ADGRL2: variants seen among roughly 807,000 people sequenced by gnomAD.
ADGRL2 encodes adhesion G protein-coupled receptor L2, also known as calcium-independent alpha-latrotoxin receptor 2.
In ADGRL2, 44 loss-of-function variants were observed where a neutral mutation model predicts 157.4. The observed-to-expected ratio is 0.28, with a 90% CI of 0.22 to 0.36. ADGRL2 has a LOEUF of 0.36. ADGRL2 is among the 10% of genes least tolerant of loss of function. The pLI, the probability that ADGRL2 is intolerant of heterozygous loss-of-function variation, is 1.00. For synonymous variants in ADGRL2, 585 were observed against 624.7 expected, an observed-to-expected ratio of 0.94 and a Z score of 0.95; for missense variants, 1,510 against 1,768.9, an observed-to-expected ratio of 0.85 and a Z score of 2.63.
In ADGRL2 at chr1:81,980,371, T is replaced by C. The variant is rs192782996; in HGVS notation, c.3113+411T>C. Among the ~76,000 whole-genome samples, 35 of 151,924 alleles carry C rather than the reference T, an allele frequency of 2.3e-4. No homozygotes were observed. In the East Asian group the frequency reaches 6.4e-3, roughly 28 times the overall value. ...CCTAAGAGAATTTACTCTATTACTA[T>C]TGTTAACTTGAAGATTATCTGTTGT... On this transcript the variant is annotated intron_variant, in intron 18 of 23. Coordinates refer to ENST00000686636, the MANE Select transcript of ADGRL2 (RefSeq NM_001366006.2).
chr1:81,399,850 T>C (rs1206376901), intron 1 of ADGRL2, among the ~76,000 whole-genome samples: 32 of 152,172 alleles, frequency 2.1e-4, no homozygotes, highest in Admixed American at 2.0e-3. Flanking sequence ...ATTTCCTTGC[T>C]TTTTCATGTT....
chr1:81,530,091 T>A (rs2079562529), intron 2 of ADGRL2, among the ~76,000 whole-genome samples: 1 of 152,124 alleles, frequency 6.6e-6, no homozygotes, highest in African/African-American at 2.4e-5. Context: ...TGCACTGGGA[T>A]CAATCAATTA....
chr1:81,926,732 C>T (rs2095116196), intron 3 of ADGRL2, among the ~76,000 whole-genome samples: 1 of 151,838 alleles, frequency 6.6e-6, no homozygotes, highest in Admixed American at 6.6e-5. Context: ...GACCTGATGA[C>T]CCTGTGAATG....
intron 2 of ADGRL2, among the ~76,000 whole-genome samples, chr1:81,483,992 G>A (rs10874251): frequency 0.84 from 127,614 of 152,016 alleles, 55,444 homozygotes; most frequent in East Asian, 1. Flanking sequence ...TAAAGGGTGT[G>A]CATTTCTAAA....
chr1:81,929,594 A>C (rs2148738391), intron 3 of ADGRL2, among the ~76,000 whole-genome samples: 1 of 152,330 alleles, frequency 6.6e-6, no homozygotes, highest in East Asian at 1.9e-4. Context: ...AATGAGCATA[A>C]GATAATCAAA....
chr1:81,831,800 T>C (rs2091962508), intron 1 of ADGRL2, among the ~76,000 whole-genome samples: 1 of 152,100 alleles, frequency 6.6e-6, no homozygotes, highest in South Asian at 2.1e-4. Flanking sequence ...TTGTTTCTTT[T>C]TTTCCTCAGT....
intron 1 of ADGRL2, among the ~76,000 whole-genome samples, chr1:81,804,720 G>T (rs1440707948): frequency 6.6e-6 from 1 of 152,178 alleles, no homozygotes; most frequent in African/African-American, 2.4e-5. Context: ...GTCTTTTGGG[G>T]TCCCTTCAGT....
At chr1:81,737,449 C>G (rs2084940121) in intron 1 of ADGRL2, among the ~76,000 whole-genome samples, 1 of 152,078 alleles carries the variant, frequency 6.6e-6, no homozygotes, top group African/African-American at 2.4e-5. Context: ...ATAAGAATAA[C>G]AAGGGGAAAT....
At chr1:81,392,008 A>T (rs142223772) in intron 1 of ADGRL2, among the ~76,000 whole-genome samples, 7 of 152,198 alleles carry the variant, frequency 4.6e-5, no homozygotes, top group African/African-American at 1.7e-4. Context: ...AGCATGAAGC[A>T]TGGGAGAACG....
Position 81,567,731 on chromosome 1 carries a change from A to G in ADGRL2, c.-247-13145A>G, listed in dbSNP as rs115365018. Among the ~76,000 whole-genome samples, 517 of 152,302 alleles carry G rather than the reference A, an allele frequency of 3.4e-3. 1 individual carries two copies. Among genetic ancestry groups the G allele is most frequent in the African/African-American group, 0.012 (490 of 41,584 alleles). The stretch of plus-strand genomic sequence containing the variant: ...GCATAAAAATGTTAAAATGCTTTTT[A>G]CACAAAACAAACAATATTATGAAAG... On this transcript the variant is annotated intron_variant, in intron 2 of 24. Transcript: ENST00000370721.
intron 2 of ADGRL2, among the ~76,000 whole-genome samples, chr1:81,510,754 T>C (rs1026063847): frequency 6.6e-6 from 1 of 152,204 alleles, no homozygotes; most frequent in Non-Finnish European, 1.5e-5. Flanking sequence ...AAGACTGCGG[T>C]GTATTTCATT....
At chr1:81,509,261 C>A (rs899580578) in intron 2 of ADGRL2, among the ~76,000 whole-genome samples, 8 of 152,110 alleles carry the variant, frequency 5.3e-5, no homozygotes, top group African/African-American at 9.7e-5. Flanking sequence ...TGTCTGGTGG[C>A]CTTTGCTTCT....
chr1:81,457,247 C>T (rs1571018854), intron 2 of ADGRL2, among the ~76,000 whole-genome samples: 5 of 152,100 alleles, frequency 3.3e-5, no homozygotes, highest in African/African-American at 7.2e-5. Flanking sequence ...ACCACAGAAA[C>T]CTTTGCTCAG....
At chr1:81,644,558 GA>G (rs1164343385) in intron 3 of ADGRL2, among the ~76,000 whole-genome samples, 1 of 152,102 alleles carries the variant, frequency 6.6e-6, no homozygotes, top group Non-Finnish European at 1.5e-5. Flanking sequence ...ATGGGCCAAA[GA>G]CCTTAACAGG....
At chr1:81,343,897 C>T (rs1470261592) in intron 1 of ADGRL2, among the ~76,000 whole-genome samples, 1 of 152,116 alleles carries the variant, frequency 6.6e-6, no homozygotes, top group East Asian at 1.9e-4. Flanking sequence ...GGGAGTGGGA[C>T]TTCAACATAT....
chr1:81,489,733 A>G (rs188868683), intron 2 of ADGRL2, among the ~76,000 whole-genome samples: 5 of 152,360 alleles, frequency 3.3e-5, no homozygotes, highest in African/African-American at 7.2e-5. Flanking sequence ...CTCATCGCAT[A>G]CAAGGGATCC....
At chr1:81,871,519 C>T (rs546396680) in intron 2 of ADGRL2, among the ~76,000 whole-genome samples, 8 of 152,128 alleles carry the variant, frequency 5.3e-5, no homozygotes, top group Non-Finnish European at 1.2e-4. Context: ...CACTGTCTTC[C>T]ACAATGGTTG....
chr1:81,615,315 C>G (rs1006762389), intron 3 of ADGRL2, among the ~76,000 whole-genome samples: 2 of 152,220 alleles, frequency 1.3e-5, no homozygotes, highest in Admixed American at 6.5e-5. Context: ...GGAATCAAAG[C>G]AGGCCACCCG....
chr1:81,360,556 T>C (rs1235505151), intron 1 of ADGRL2, among the ~76,000 whole-genome samples: 3 of 152,108 alleles, frequency 2.0e-5, no homozygotes, highest in Non-Finnish European at 2.9e-5. Context: ...TGCAGGTTCA[T>C]TTATGCATTG....
Sources: allele counts gnomAD v4.1 joint callset (sites outside exome capture counted in the v4.1 genomes callset), GRCh38; gene constraint gnomAD v4.1.1; transcripts MANE v1.5; gene names NCBI Gene and HGNC (gene_info 2026-07-23, HGNC 2026-07-21).